The following TJP1 variants were observed in gnomAD, a reference collection of about 807,000 sequenced individuals.
TJP1 encodes the protein tight junction protein 1.
TJP1 carries 43 observed loss-of-function variants against 194.2 expected under a neutral mutation model. The ratio of observed to expected loss-of-function variants is 0.22; its 90% confidence interval spans 0.17 to 0.29. The LOEUF is 0.29. TJP1 is among the 10% of genes least tolerant of loss of function. The pLI, the probability that TJP1 is intolerant of heterozygous loss-of-function variation, is 1.00. For missense variants in TJP1, 1,971 were observed against 2,185.7 expected (o/e 0.90, Z 1.96); for synonymous variants, 801 against 779.0 (o/e 1.03, Z -0.47).
intron 16 of TJP1, 146 bp downstream of exon 16, chr15:29,727,791 T>C: frequency 1.6e-6 from 1 of 628,172 alleles, no homozygotes; most frequent in East Asian, 2.8e-5. Context: ...GTAATCATTA[T>C]AATGCTTTTC....
In TJP1 at chr15:29,716,716, C is replaced by T; in HGVS notation, c.4097G>A (p.Ser1366Asn). 4 of 1,614,102 alleles carry T rather than the reference C, an allele frequency of 2.5e-6. No individual in the cohort carries two copies. Among genetic ancestry groups the T allele is most frequent in the South Asian group, 1.1e-5 (1 of 91,070 alleles). The change falls in exon 23 of 28, where the codon AGT (serine) becomes AAT (asparagine). Residue 1366 changes from serine to asparagine, a missense_variant. By Grantham distance (46) the Ser-to-Asn change is conservative. Transcript: ENST00000614355. ...RKQLSYFDRR[S>N]FENKPPAHIA... ...GTGTGCAGGAGGCTTATTCTCAAAA[C>T]TTCTTCGGTCAAAGTATGACAGCTG...
At chr15:29,931,289 A>C (rs987660272) in intron 2 of TJP1, among the ~76,000 whole-genome samples, 1 of 152,122 alleles carries the variant, frequency 6.6e-6, no homozygotes, top group Non-Finnish European at 1.5e-5. Flanking sequence ...CTGCTGTCTC[A>C]GGGGTGGCAG....
chr15:29,866,679 G>A (rs760744666), intron 2 of TJP1, among the ~76,000 whole-genome samples: 3 of 152,082 alleles, frequency 2.0e-5, no homozygotes, highest in East Asian at 1.9e-4. Flanking sequence ...ATAATACCCC[G>A]GAATGTCTGG....
intron 2 of TJP1, among the ~76,000 whole-genome samples, chr15:29,849,283 G>C (rs2152079418): frequency 6.6e-6 from 1 of 152,066 alleles, no homozygotes; most frequent in East Asian, 1.9e-4. Context: ...TTACTACATT[G>C]TTTGTACACA....
intron 2 of TJP1, among the ~76,000 whole-genome samples, chr15:29,859,615 G>A (rs567807366): frequency 1.3e-4 from 20 of 152,054 alleles, no homozygotes; most frequent in Non-Finnish European, 1.9e-4. Context: ...CAGAGCCATC[G>A]TGGTTCTCTG....
At chr15:29,782,916 C>T (rs1414328458) in intron 2 of TJP1, among the ~76,000 whole-genome samples, 5 of 142,642 alleles carry the variant, frequency 3.5e-5, no homozygotes, top group African/African-American at 1.0e-4. Context: ...AAAAAAAACA[C>T]GTTGCCAATA....
intron 24 of TJP1, among the ~76,000 whole-genome samples, chr15:29,709,448 T>C (rs1441920900): frequency 1.3e-5 from 2 of 152,172 alleles, no homozygotes; most frequent in Non-Finnish European, 2.9e-5. Context: ...ATGCCAAACA[T>C]TGGTTAAAAA....
At chr15:29,801,590 T>G (rs1431619834) in intron 1 of TJP1, among the ~76,000 whole-genome samples, 1 of 150,026 alleles carries the variant, frequency 6.7e-6, no homozygotes, top group Non-Finnish European at 1.5e-5. Context: ...GCCTCCCAAG[T>G]AGCTGGGACT....
chr15:29,950,153 TCCACCACCACCACAACCACTACCTCC>T (rs2055666251), intron 2 of TJP1, among the ~76,000 whole-genome samples: 1 of 56,714 alleles, frequency 1.8e-5, no homozygotes, highest in African/African-American at 6.7e-5. Context: ...AACCACCACC[TCCACCACCACCACAACCACTACCTCC>T]ACCTCCACCA....
At chr15:29,840,799 C>T (rs1314267802) in intron 2 of TJP1, among the ~76,000 whole-genome samples, 3 of 152,146 alleles carry the variant, frequency 2.0e-5, no homozygotes, top group Non-Finnish European at 4.4e-5. Flanking sequence ...GAAAGAATAA[C>T]TGGAAGGTCT....
chr15:29,786,368 C>T (rs2047699947), intron 2 of TJP1, among the ~76,000 whole-genome samples: 1 of 152,170 alleles, frequency 6.6e-6, no homozygotes, highest in Admixed American at 6.5e-5. Flanking sequence ...CACCAATGTT[C>T]TAAACAAACA....
intron 2 of TJP1, among the ~76,000 whole-genome samples, chr15:29,881,971 A>AGG (rs1329595613): frequency 3.0e-4 from 46 of 151,750 alleles, no homozygotes; most frequent in African/African-American, 1.1e-3. Flanking sequence ...ATATATTTTT[A>AGG]GTTATTGAGT....
At chr15:29,922,671 T>C (rs2152253319) in intron 2 of TJP1, among the ~76,000 whole-genome samples, 1 of 152,212 alleles carries the variant, frequency 6.6e-6, no homozygotes, top group South Asian at 2.1e-4. Flanking sequence ...ACATTGAAGG[T>C]GGCATGTTTA....
At chr15:29,790,576 G>C (rs1301770485) in intron 2 of TJP1, among the ~76,000 whole-genome samples, 2 of 152,010 alleles carry the variant, frequency 1.3e-5, no homozygotes, top group Non-Finnish European at 2.9e-5. Flanking sequence ...TAGTTACTGT[G>C]AAATACACAA....
chr15:29,801,607 G>A (rs1479763488), intron 1 of TJP1, among the ~76,000 whole-genome samples: 6 of 149,846 alleles, frequency 4.0e-5, no homozygotes, highest in East Asian at 2.0e-4. Flanking sequence ...GACTACAGGC[G>A]CCCGCCACTA....
At chr15:29,806,966 G>C (rs1322799349) in intron 1 of TJP1, among the ~76,000 whole-genome samples, 1 of 152,090 alleles carries the variant, frequency 6.6e-6, no homozygotes, top group Non-Finnish European at 1.5e-5. Flanking sequence ...TTCATGAATA[G>C]AAGATAAAAA....
chr15:29,734,219 T>C, intron 12 of TJP1, 55 bp downstream of exon 12: 1 of 1,225,780 alleles, frequency 8.2e-7, no homozygotes, highest in Non-Finnish European at 1.2e-6. Context: ...TAAATCCCTT[T>C]GTAAGTCCTC....
chr15:29,967,986 G>T, intron 1 of TJP1: 1 of 902,378 alleles, frequency 1.1e-6, no homozygotes, highest in Non-Finnish European at 1.3e-6. Flanking sequence ...CTGGGATTCC[G>T]CATGGATTAC....
chr15:29,933,142 A>ATATACATAGATT (rs2054774284), intron 2 of TJP1, among the ~76,000 whole-genome samples: 1 of 152,184 alleles, frequency 6.6e-6, no homozygotes, highest in Non-Finnish European at 1.5e-5. Context: ...TTCTATTAAT[A>ATATACATAGATT]AATACATATA....
Sources: gnomAD v4.1 joint callset for allele counts (sites outside exome capture counted in the v4.1 genomes callset) on GRCh38, gnomAD v4.1.1 for gene constraint, MANE v1.5 for transcripts, NCBI Gene and HGNC (gene_info 2026-07-23, HGNC 2026-07-21) for gene names.